Variants in CLVS1 observed in about 807,000 individuals in gnomAD.
CLVS1 encodes the protein clavesin 1, also known as clavesin-1.
In CLVS1, 10 loss-of-function variants were observed where a neutral mutation model predicts 33.1. That is an observed-to-expected ratio of 0.30 (90% CI 0.19 to 0.51). CLVS1 has a LOEUF of 0.51. Among genes scored for constraint, CLVS1 ranks in the 20% least tolerant of loss-of-function variants. The probability of loss-of-function intolerance (pLI) is 0.97; values close to 1 mark genes in which losing one functional copy is unlikely to be tolerated. For missense variants in CLVS1, 343 were observed against 433.4 expected (o/e 0.79, Z 1.85); for synonymous variants, 163 against 166.1 (o/e 0.98, Z 0.14).
chr8:61,069,909 G>A (rs9298045), intron 1 of CLVS1, among the ~76,000 whole-genome samples: 46,402 of 151,800 alleles, frequency 0.31, 7,473 homozygotes, highest in East Asian at 0.58. Context: ...AGTGATTCTC[G>A]TGCCTCAGCC....
intron 1 of CLVS1, among the ~76,000 whole-genome samples, chr8:61,058,498 T>C (rs1263980258): frequency 1.2e-4 from 18 of 152,200 alleles, no homozygotes; most frequent in African/African-American, 4.3e-4. Context: ...AAATCTGTTC[T>C]CCCCATTATC....
At chr8:61,115,281 G>C (rs1805696902) in intron 1 of CLVS1, among the ~76,000 whole-genome samples, 1 of 151,948 alleles carries the variant, frequency 6.6e-6, no homozygotes, top group African/African-American at 2.4e-5. Context: ...TGTATGCAAG[G>C]CATTTAGTAC....
chr8:61,155,352 G>A (rs1264233613), intron 2 of CLVS1, among the ~76,000 whole-genome samples: 3 of 152,160 alleles, frequency 2.0e-5, no homozygotes, highest in African/African-American at 7.2e-5. Context: ...TGCCTGCATT[G>A]CCTTCCTCTA....
chr8:61,379,035 G>A (rs916155030), intron 3 of CLVS1, among the ~76,000 whole-genome samples: 1 of 152,158 alleles, frequency 6.6e-6, no homozygotes, highest in African/African-American at 2.4e-5. Context: ...GAAAGGAAAA[G>A]CCACATGCAG....
the CLVS1 span, among the ~76,000 whole-genome samples, chr8:61,002,609 T>C: frequency 6.6e-6 from 1 of 151,988 alleles, no homozygotes; most frequent in Non-Finnish European, 1.5e-5. Context: ...TGGGATTATG[T>C]GTGAGCCACT....
At chr8:61,144,572 AGTAAT>A (rs1248126642) in intron 2 of CLVS1, among the ~76,000 whole-genome samples, 5 of 152,186 alleles carry the variant, frequency 3.3e-5, no homozygotes, top group Non-Finnish European at 2.9e-5. Context: ...GTATATACCC[AGTAAT>A]GGGATTTCTG....
At chr8:61,202,330 C>A (rs1482693941) in intron 2 of CLVS1, 5 of 714,698 alleles carry the variant, frequency 7.0e-6, no homozygotes, top group Non-Finnish European at 1.3e-5. Flanking sequence ...TCTCTCCTAC[C>A]TAAGTGCGTG....
At chr8:61,439,503 A>G (rs1816464392) in intron 3 of CLVS1, among the ~76,000 whole-genome samples, 1 of 152,194 alleles carries the variant, frequency 6.6e-6, no homozygotes, top group Admixed American at 6.5e-5. Flanking sequence ...CAGCTCTAGC[A>G]GTGGTTTACC....
intron 3 of CLVS1, among the ~76,000 whole-genome samples, chr8:61,453,603 A>G (rs912512428): frequency 1.3e-5 from 2 of 152,130 alleles, no homozygotes; most frequent in African/African-American, 4.8e-5. Flanking sequence ...CCTTGTTAGC[A>G]TTTGGTTGAT....
chr8:61,029,919 C>T, the CLVS1 span, among the ~76,000 whole-genome samples: 2 of 152,170 alleles, frequency 1.3e-5, no homozygotes, highest in African/African-American at 4.8e-5. Context: ...GGATCTGTGA[C>T]AGTTTTCTGG....
At chr8:61,043,147 G>A in the CLVS1 span, among the ~76,000 whole-genome samples, 10 of 152,180 alleles carry the variant, frequency 6.6e-5, no homozygotes, top group Non-Finnish European at 1.5e-4. Context: ...GGGTCTCCCA[G>A]GTCCGCAGAC....
chr8:61,007,801 C>T, the CLVS1 span, among the ~76,000 whole-genome samples: 1 of 152,188 alleles, frequency 6.6e-6, no homozygotes, highest in African/African-American at 2.4e-5. Flanking sequence ...TTAAGCGCAC[C>T]GCCCCTGGGT....
chr8:61,466,468 C>T (rs926519739), intron 5 of CLVS1, among the ~76,000 whole-genome samples: 3 of 152,106 alleles, frequency 2.0e-5, no homozygotes, highest in African/African-American at 7.2e-5. Context: ...AGTCCTGCTA[C>T]ACACAGGCTT....
At chr8:61,146,858 C>T (rs1270951644) in intron 2 of CLVS1, among the ~76,000 whole-genome samples, 5 of 152,168 alleles carry the variant, frequency 3.3e-5, no homozygotes, top group Non-Finnish European at 7.3e-5. Context: ...TTGTATACAG[C>T]GTTTATGTCA....
At chr8:60,977,974 C>T in the CLVS1 span, among the ~76,000 whole-genome samples, 7 of 152,230 alleles carry the variant, frequency 4.6e-5, no homozygotes, top group Non-Finnish European at 1.0e-4. Context: ...AATTGCTCCT[C>T]AGGAATCATG....
At chr8:61,408,189 A>G (rs1385421682) in intron 3 of CLVS1, among the ~76,000 whole-genome samples, 2 of 152,196 alleles carry the variant, frequency 1.3e-5, no homozygotes, top group African/African-American at 2.4e-5. Flanking sequence ...AATGAATGAG[A>G]CCATTTCAGA....
intron 2 of CLVS1, among the ~76,000 whole-genome samples, chr8:61,232,031 T>TG (rs1554548363): frequency 0.01 from 651 of 62,348 alleles, 38 homozygotes; most frequent in African/African-American, 0.021. Flanking sequence ...TGGTTTTTTT[T>TG]TTTTTTTTTT....
intron 3 of CLVS1, among the ~76,000 whole-genome samples, chr8:61,408,686 T>C (rs1815092195): frequency 6.6e-6 from 1 of 152,208 alleles, no homozygotes; most frequent in Non-Finnish European, 1.5e-5. Context: ...AAGAGCAATT[T>C]ATAGTCAAGG....
the CLVS1 span, among the ~76,000 whole-genome samples, chr8:60,978,809 C>CAAAAA: frequency 4.9e-4 from 11 of 22,518 alleles, no homozygotes; most frequent in African/African-American, 9.5e-4. Context: ...GACTCCATCT[C>CAAAAA]AAAAAAAAAA....
Sources: allele counts gnomAD v4.1 joint callset (sites outside exome capture counted in the v4.1 genomes callset), GRCh38; gene constraint gnomAD v4.1.1; transcripts MANE v1.5; gene names NCBI Gene and HGNC (gene_info 2026-07-23, HGNC 2026-07-21).